The following PLEKHA2 variants were observed in gnomAD, a reference collection of about 807,000 sequenced individuals.
PLEKHA2 encodes pleckstrin homology domain containing A2.
PLEKHA2 carries 28 observed loss-of-function variants against 53.2 expected under a neutral mutation model. The observed-to-expected ratio is 0.53, with a 90% CI of 0.39 to 0.72. The LOEUF (loss-of-function observed/expected upper bound fraction) is 0.72. Among genes scored for constraint, PLEKHA2 ranks in the 30% least tolerant of loss-of-function variants. The probability of loss-of-function intolerance (pLI) is 0.00; values close to 1 mark genes in which losing one functional copy is unlikely to be tolerated. For missense variants in PLEKHA2, 426 were observed against 537.9 expected, an observed-to-expected ratio of 0.79 and a Z score of 2.06; for synonymous variants, 193 against 196.4, an observed-to-expected ratio of 0.98 and a Z score of 0.14.
At chr8:38,965,107 A>T (rs944707159) in intron 10 of PLEKHA2, among the ~76,000 whole-genome samples, 1 of 152,176 alleles carries the variant, frequency 6.6e-6, no homozygotes, top group Admixed American at 6.6e-5. Context: ...CGGGGAAAAA[A>T]TAACAAATTG....
intron 9 of PLEKHA2, among the ~76,000 whole-genome samples, chr8:38,956,798 T>C (rs535743166): frequency 6.6e-6 from 1 of 152,224 alleles, no homozygotes; most frequent in East Asian, 1.9e-4. Context: ...GTTCCAAATC[T>C]CCAGCAACTT....
At chr8:38,969,193 G>T (rs767845010) in intron 11 of PLEKHA2, among the ~76,000 whole-genome samples, 1 of 152,112 alleles carries the variant, frequency 6.6e-6, no homozygotes, top group Non-Finnish European at 1.5e-5. Flanking sequence ...GAGCCACCAC[G>T]CCCGGCCGAG....
At chr8:38,954,533 T>C (rs1450890866) in intron 9 of PLEKHA2, among the ~76,000 whole-genome samples, 2 of 152,126 alleles carry the variant, frequency 1.3e-5, no homozygotes, top group Non-Finnish European at 2.9e-5. Flanking sequence ...TCTAACTCTC[T>C]AACTCTGCCA....
At chr8:38,960,847 C>G (rs1310273639) in intron 10 of PLEKHA2, 9 of 152,250 alleles carry the variant, frequency 5.9e-5, no homozygotes. Context: ...CAATCTGAAG[C>G]CATATCAAGA....
chr8:38,950,706 A>T, intron 5 of PLEKHA2, 144 bp from the exon 6 acceptor site: 1 of 934,576 alleles, frequency 1.1e-6, no homozygotes, highest in Non-Finnish European at 1.6e-6. Flanking sequence ...TCAGATTTGG[A>T]CTGTGGAAGG....
intron 2 of PLEKHA2, among the ~76,000 whole-genome samples, chr8:38,919,914 A>G (rs1434626621): frequency 6.6e-6 from 1 of 152,138 alleles, no homozygotes; most frequent in Non-Finnish European, 1.5e-5. Flanking sequence ...TTGTCATGTA[A>G]TGGGCCTGGT....
At chr8:38,912,867 G>A (rs2152365299) in intron 1 of PLEKHA2, among the ~76,000 whole-genome samples, 1 of 152,246 alleles carries the variant, frequency 6.6e-6, no homozygotes, top group African/African-American at 2.4e-5. Flanking sequence ...CATTCCTGAT[G>A]AGCTCTGTGA....
chr8:38,957,573 C>T (rs569113605), intron 10 of PLEKHA2, among the ~76,000 whole-genome samples, 187 bp downstream of exon 10: 2 of 152,320 alleles, frequency 1.3e-5, no homozygotes, highest in African/African-American at 2.4e-5. Flanking sequence ...GCTTCCCAAC[C>T]ATAAAATAAT....
At chr8:38,932,121 C>T (rs991876947) in intron 2 of PLEKHA2, among the ~76,000 whole-genome samples, 2 of 152,028 alleles carry the variant, frequency 1.3e-5, no homozygotes, top group Admixed American at 6.6e-5. Context: ...TTCCCACATA[C>T]CTGGGACTAC....
At chr8:38,942,520 G>A (rs533200118) in intron 3 of PLEKHA2, among the ~76,000 whole-genome samples, 3 of 152,170 alleles carry the variant, frequency 2.0e-5, no homozygotes, top group Middle Eastern at 3.2e-3. Context: ...TGGAGGACAT[G>A]TCGAAGAATA....
chr8:38,946,069 A>G (rs1834707984), intron 4 of PLEKHA2, 55 bp from the exon 5 acceptor site: 15 of 1,390,414 alleles, frequency 1.1e-5, no homozygotes, highest in Non-Finnish European at 1.5e-5. Context: ...GACTTGTTGT[A>G]TTGCTTGTAT....
chr8:38,945,307 T>A (rs1400698738), intron 4 of PLEKHA2, among the ~76,000 whole-genome samples: 1 of 152,196 alleles, frequency 6.6e-6, no homozygotes, highest in Non-Finnish European at 1.5e-5. Flanking sequence ...AGATGTTTCC[T>A]AGCGCATAGT....
rs1038162551 is a variant in PLEKHA2 at position 38,918,291 on chromosome 8, A to G, written c.141+221A>G. Among the ~76,000 whole-genome samples, 5 of 147,480 alleles carry G rather than the reference A, an allele frequency of 3.4e-5. No individual in the cohort carries two copies. In the East Asian group the frequency reaches 6.1e-4, roughly 18 times the overall value. On this transcript the variant is annotated intron_variant, in intron 2 of 11. Coordinates refer to ENST00000617275, the MANE Select transcript of PLEKHA2 (RefSeq NM_021623.2). ...ATACACACCACACACACGCACACAC[A>G]TGCACCTTATACACACACACCACAC... is the stretch of plus-strand genomic sequence containing the variant.
chr8:38,932,252 TCCC>T (rs1834407359), intron 2 of PLEKHA2, among the ~76,000 whole-genome samples: 1 of 152,184 alleles, frequency 6.6e-6, no homozygotes, highest in Non-Finnish European at 1.5e-5. Flanking sequence ...CACCTCAGCC[TCCC>T]CAGGTGTTGG....
At chr8:38,954,757 G>A (rs1834907385) in intron 9 of PLEKHA2, among the ~76,000 whole-genome samples, 1 of 152,184 alleles carries the variant, frequency 6.6e-6, no homozygotes, top group African/African-American at 2.4e-5. Context: ...GCCGGGCGTG[G>A]TGGCTCACAC....
At chr8:38,961,376 A>C (rs1588276957) in intron 10 of PLEKHA2, among the ~76,000 whole-genome samples, 1 of 151,976 alleles carries the variant, frequency 6.6e-6, no homozygotes, top group African/African-American at 2.4e-5. Context: ...GTCTCTATTA[A>C]AAATACAAAA....
At chr8:38,943,984 T>C in intron 4 of PLEKHA2, 147 bp downstream of exon 4, 1 of 556,278 alleles carries the variant, frequency 1.8e-6, no homozygotes, top group Non-Finnish European at 2.9e-6. Context: ...CGTCAAGTGA[T>C]ATTGTTTTCC....
chr8:38,907,444 C>A (rs534112582), intron 1 of PLEKHA2, among the ~76,000 whole-genome samples: 1 of 152,352 alleles, frequency 6.6e-6, no homozygotes, highest in South Asian at 2.1e-4. Context: ...CAGAAAACCA[C>A]AGCTCTCATT....
intron 6 of PLEKHA2, 36 bp from the exon 7 acceptor site, chr8:38,952,130 G>A: frequency 6.3e-7 from 1 of 1,597,458 alleles, no homozygotes. Context: ...TGCATAGAGG[G>A]AGGGAGGCGC....
Sources: allele counts gnomAD v4.1 joint callset (sites outside exome capture counted in the v4.1 genomes callset), GRCh38; gene constraint gnomAD v4.1.1; transcripts MANE v1.5; gene names NCBI Gene and HGNC (gene_info 2026-07-23, HGNC 2026-07-21).